The following HEMK2 variants were observed in gnomAD, a reference collection of about 807,000 sequenced individuals.
HEMK2 encodes HemK methyltransferase 2, ETF1 glutamine and histone H4 lysine.
At chr21:28,676,527 C>A in the HEMK2 span, among the ~76,000 whole-genome samples, 4 of 151,626 alleles carry the variant, frequency 2.6e-5, no homozygotes, top group Non-Finnish European at 4.4e-5. Flanking sequence ...AGATCAAAAT[C>A]CTGAAAATAC....
the HEMK2 span, chr21:28,874,961 G>A: frequency 6.6e-6 from 1 of 152,256 alleles, no homozygotes; most frequent in Non-Finnish European, 1.5e-5. Context: ...GTAGCCCAGA[G>A]GTGAGATGTA....
At chr21:28,865,517 G>A in the HEMK2 span, among the ~76,000 whole-genome samples, 1 of 152,184 alleles carries the variant, frequency 6.6e-6, no homozygotes, top group South Asian at 2.1e-4. Flanking sequence ...CTCGCTTCTA[G>A]AAGCACATCT....
chr21:28,646,633 G>A, the HEMK2 span, among the ~76,000 whole-genome samples: 16 of 152,170 alleles, frequency 1.1e-4, no homozygotes, highest in African/African-American at 3.9e-4. Flanking sequence ...TTTTCATATA[G>A]CATCAGTCAG....
the HEMK2 span, among the ~76,000 whole-genome samples, chr21:28,697,010 A>AT: frequency 0.56 from 84,021 of 151,212 alleles, 25,957 homozygotes; most frequent in East Asian, 0.84. Flanking sequence ...CAAGGAAAAC[A>AT]TTTTTTTTTC....
the HEMK2 span, among the ~76,000 whole-genome samples, chr21:28,681,107 A>G: frequency 1.1e-4 from 16 of 152,344 alleles, no homozygotes; most frequent in African/African-American, 3.8e-4. Context: ...AGAGGAAGTC[A>G]AATTGTCCCT....
chr21:28,723,773 G>A, the HEMK2 span, among the ~76,000 whole-genome samples: 415 of 152,214 alleles, frequency 2.7e-3, 3 homozygotes, highest in African/African-American at 9.3e-3. Context: ...CACGTACTAC[G>A]AACCCAAAAA....
At chr21:28,603,549 A>ATATGTGTGTG in the HEMK2 span, among the ~76,000 whole-genome samples, 21 of 135,732 alleles carry the variant, frequency 1.5e-4, no homozygotes, top group African/African-American at 5.0e-4. Flanking sequence ...GAGGATATAT[A>ATATGTGTGTG]TGTGTGTGTG....
chr21:28,645,418 A>G, the HEMK2 span, among the ~76,000 whole-genome samples: 1 of 152,242 alleles, frequency 6.6e-6, no homozygotes, highest in African/African-American at 2.4e-5. Flanking sequence ...ACACAAGGTA[A>G]GAATAATTCA....
the HEMK2 span, among the ~76,000 whole-genome samples, chr21:28,831,623 G>A: frequency 1.2e-5 from 1 of 84,120 alleles, no homozygotes; most frequent in Non-Finnish European, 2.1e-5. Flanking sequence ...AGGAAAGAAG[G>A]AAAGAAGGAA....
the HEMK2 span, among the ~76,000 whole-genome samples, chr21:28,771,012 C>T: frequency 6.6e-6 from 1 of 152,128 alleles, no homozygotes; most frequent in African/African-American, 2.4e-5. Context: ...TTAAAACACA[C>T]ACACACACGC....
At chr21:28,876,849 A>T in the HEMK2 span, among the ~76,000 whole-genome samples, 1 of 152,094 alleles carries the variant, frequency 6.6e-6, no homozygotes, top group African/African-American at 2.4e-5. Context: ...ACAAAAGCCA[A>T]TGAAGGTGTG....
chr21:28,690,369 T>A, the HEMK2 span, among the ~76,000 whole-genome samples: 3 of 152,300 alleles, frequency 2.0e-5, no homozygotes, highest in African/African-American at 7.2e-5. Flanking sequence ...AACTTGGAAG[T>A]GAGCTCTTGC....
the HEMK2 span, among the ~76,000 whole-genome samples, chr21:28,768,408 T>C: frequency 7.4e-6 from 1 of 134,416 alleles, no homozygotes; most frequent in African/African-American, 2.7e-5. Context: ...ATTTCATGGA[T>C]TGGCCAAAGA....
At chr21:28,880,048 G>T in the HEMK2 span, 3 of 872,984 alleles carry the variant, frequency 3.4e-6, no homozygotes, top group Non-Finnish European at 5.2e-6. Context: ...ATGTTTTTGG[G>T]AAAATAATGT....
At chr21:28,805,361 A>C in the HEMK2 span, among the ~76,000 whole-genome samples, 4 of 152,176 alleles carry the variant, frequency 2.6e-5, no homozygotes, top group African/African-American at 9.7e-5. Flanking sequence ...GAATTATATT[A>C]TTGGTTATTA....
At chr21:28,634,687 T>C in the HEMK2 span, among the ~76,000 whole-genome samples, 1 of 152,184 alleles carries the variant, frequency 6.6e-6, no homozygotes, top group African/African-American at 2.4e-5. Flanking sequence ...ACTGGTTATA[T>C]GAACTTAGAC....
chr21:28,862,536 G>A, the HEMK2 span, among the ~76,000 whole-genome samples: 2 of 145,522 alleles, frequency 1.4e-5, no homozygotes, highest in South Asian at 4.2e-4. Context: ...CTACTCGGGA[G>A]GCTGAGGCAG....
the HEMK2 span, among the ~76,000 whole-genome samples, chr21:28,594,848 T>G: frequency 6.6e-6 from 1 of 152,222 alleles, no homozygotes; most frequent in Non-Finnish European, 1.5e-5. Context: ...ACCAGGGCTA[T>G]TAAACCATAT....
chr21:28,795,804 G>C, the HEMK2 span, among the ~76,000 whole-genome samples: 3 of 152,048 alleles, frequency 2.0e-5, no homozygotes, highest in Admixed American at 2.0e-4. Flanking sequence ...AAGGAAATTT[G>C]GTTTACAATT....
Sources: gnomAD v4.1 joint callset for allele counts (sites outside exome capture counted in the v4.1 genomes callset) on GRCh38, gnomAD v4.1.1 for gene constraint, MANE v1.5 for transcripts, NCBI Gene and HGNC (gene_info 2026-07-23, HGNC 2026-07-21) for gene names.